Variants in HS6ST3 observed in about 807,000 individuals in gnomAD.
The protein encoded by HS6ST3 is heparan sulfate 6-O-sulfotransferase 3.
In HS6ST3, 12 loss-of-function variants were observed where a neutral mutation model predicts 36.7. The ratio of observed to expected loss-of-function variants is 0.33; its 90% CI spans 0.21 to 0.53. The LOEUF is 0.53. Among genes scored for constraint, HS6ST3 ranks in the 20% least tolerant of loss-of-function variants. HS6ST3 has a pLI of 0.95. For missense variants in HS6ST3, 584 were observed against 640.9 expected (o/e 0.91, Z 0.96); for synonymous variants, 240 against 257.5 (o/e 0.93, Z 0.65).
chr13:96,640,846 G>A (rs893275094), intron 1 of HS6ST3, among the ~76,000 whole-genome samples: 3 of 151,774 alleles, frequency 2.0e-5, no homozygotes, highest in African/African-American at 7.2e-5. Context: ...CTTTGTTGAA[G>A]ATTTAGATGG....
At chr13:96,549,329 A>G (rs150627837) in intron 1 of HS6ST3, among the ~76,000 whole-genome samples, 1 of 152,204 alleles carries the variant, frequency 6.6e-6, no homozygotes, top group African/African-American at 2.4e-5. Context: ...GCGTTCATCT[A>G]TTTGTGTTTT....
chr13:96,227,657 C>T lies in HS6ST3; in HGVS notation c.707+136088C>T, dbSNP rs556138715. On this transcript the variant is annotated intron_variant, in intron 1 of 1. Transcript: ENST00000376705. ...AAATGATTAATTAGACAAGAAGCCT[C>T]ATTGTTTCCAATCTATGAGTCATAT... 3.3e-5 allele frequency among the ~76,000 whole-genome samples: 5 copies of T among 152,310 alleles called. No individual in the cohort carries two copies. In the South Asian group the frequency reaches 8.3e-4, roughly 25 times the overall value.
At chr13:96,735,109 TG>T (rs1176833848) in intron 1 of HS6ST3, among the ~76,000 whole-genome samples, 1 of 152,148 alleles carries the variant, frequency 6.6e-6, no homozygotes, top group Non-Finnish European at 1.5e-5. Flanking sequence ...GGCTTTCAGC[TG>T]AACAATGCAG....
chr13:96,676,190 G>C (rs2138434491), intron 1 of HS6ST3, among the ~76,000 whole-genome samples: 1 of 152,280 alleles, frequency 6.6e-6, no homozygotes, highest in East Asian at 1.9e-4. Context: ...TGAGATTAAT[G>C]TGTCAACAGG....
intron 1 of HS6ST3, among the ~76,000 whole-genome samples, chr13:96,145,016 A>G (rs563233886): frequency 1.3e-5 from 2 of 150,854 alleles, no homozygotes; most frequent in South Asian, 2.1e-4. Context: ...TGTGGTGTAT[A>G]TGTGCCACAT....
intron 1 of HS6ST3, among the ~76,000 whole-genome samples, chr13:96,254,923 T>C (rs2054629602): frequency 6.6e-6 from 1 of 152,200 alleles, no homozygotes; most frequent in Non-Finnish European, 1.5e-5. Flanking sequence ...GCTTTCTCCA[T>C]AGCAGTGAAT....
At chr13:96,109,566 A>C (rs933179290) in intron 1 of HS6ST3, among the ~76,000 whole-genome samples, 1 of 152,234 alleles carries the variant, frequency 6.6e-6, no homozygotes, top group African/African-American at 2.4e-5. Flanking sequence ...TTAGAAAGCT[A>C]CTTACATTTA....
chr13:96,118,665 TATATATATATATATATATATA>T (rs1566886442), intron 1 of HS6ST3, among the ~76,000 whole-genome samples: 1 of 6,478 alleles, frequency 1.5e-4, no homozygotes, highest in Non-Finnish European at 3.6e-4. Context: ...TATATATATA[TATATATATATATATATATATA>T]TATTTTTTTT....
At chr13:96,301,482 G>A (rs566076380) in intron 1 of HS6ST3, among the ~76,000 whole-genome samples, 1 of 152,168 alleles carries the variant, frequency 6.6e-6, no homozygotes, top group East Asian at 1.9e-4. Flanking sequence ...AAAGACTGGG[G>A]TACTGGTCCT....
intron 1 of HS6ST3, among the ~76,000 whole-genome samples, chr13:96,131,606 T>C (rs1210131672): frequency 6.6e-6 from 1 of 152,166 alleles, no homozygotes; most frequent in African/African-American, 2.4e-5. Flanking sequence ...ATATAATACA[T>C]TGTTATTAAC....
chr13:96,663,640 C>A (rs1012656087), intron 1 of HS6ST3, among the ~76,000 whole-genome samples: 2 of 152,140 alleles, frequency 1.3e-5, no homozygotes, highest in East Asian at 3.8e-4. Flanking sequence ...GCCCTGTTCC[C>A]ACTTCTAGGA....
chr13:96,663,906 T>G (rs1310995816), intron 1 of HS6ST3, among the ~76,000 whole-genome samples: 2 of 152,172 alleles, frequency 1.3e-5, no homozygotes, highest in African/African-American at 4.8e-5. Context: ...TATGATTCCA[T>G]TTATATAAGA....
intron 1 of HS6ST3, among the ~76,000 whole-genome samples, chr13:96,658,400 C>G (rs1486417940): frequency 1.3e-5 from 2 of 150,148 alleles, no homozygotes; most frequent in African/African-American, 4.9e-5. Context: ...TCTGCCTCAG[C>G]CTCCCGAGTA....
intron 1 of HS6ST3, among the ~76,000 whole-genome samples, chr13:96,154,459 A>G (rs2054101211): frequency 6.6e-6 from 1 of 152,174 alleles, no homozygotes; most frequent in Non-Finnish European, 1.5e-5. Flanking sequence ...TTTCTACAAT[A>G]TTTTAATTTT....
chr13:96,832,736 C>G lies in HS6ST3; in HGVS notation c.954C>G (p.Ser318Arg), dbSNP rs1464319337. The G allele has an allele frequency of 1.9e-6, 3 of 1,614,134 alleles. No individual in the cohort carries two copies. The South Asian group carries it at 3.3e-5, about 18-fold the overall frequency. Residue 318 changes from serine to arginine, a missense_variant, in exon 2 of 2, where the codon AGC becomes AGG. Ser to Arg is a moderately radical substitution (Grantham distance 110, BLOSUM62 -1). Coordinates refer to ENST00000376705, the MANE Select transcript of HS6ST3 (RefSeq NM_153456.4). ...AGGTGCGCATGCTGGCTGACCTCAG[C>G]CTGGTGGGCTGCTATAACTTGACTT... ...NRQVRMLADL[S>R]LVGCYNLTFM... is the part of the protein sequence containing the mutation.
intron 1 of HS6ST3, among the ~76,000 whole-genome samples, chr13:96,218,218 A>G (rs990323398): frequency 1.6e-4 from 25 of 152,174 alleles, no homozygotes; most frequent in African/African-American, 5.8e-4. Flanking sequence ...GAAACCAGAC[A>G]AGAGGACCAG....
chr13:96,274,839 TCACACACACACACACACACA>T lies in HS6ST3; in HGVS notation c.707+183306_707+183325del, dbSNP rs60430769. ...ATCAGTGATTAGCTAACTTAGTCCT[TCACACACACACACACACACA>T]CACACACACACACACACACACACAC... On this transcript the variant is annotated intron_variant, in intron 1 of 1. Coordinates refer to ENST00000376705, the MANE Select transcript of HS6ST3 (RefSeq NM_153456.4). Among the ~76,000 whole-genome samples the T allele has an allele frequency of 1.5e-3, 186 of 126,184 alleles. 1 individual carries two copies. Among genetic ancestry groups the T allele is most frequent in the African/African-American group, 3.8e-3 (125 of 32,872 alleles). The allele number at this position is 126,184 out of a possible 152,430, so 82.8% of individuals were successfully genotyped here.
chr13:96,121,258 T>C (rs929883297), intron 1 of HS6ST3, among the ~76,000 whole-genome samples: 2 of 152,222 alleles, frequency 1.3e-5, no homozygotes, highest in African/African-American at 2.4e-5. Context: ...ATATATTTAA[T>C]TTAGCTGAAT....
intron 1 of HS6ST3, among the ~76,000 whole-genome samples, chr13:96,722,095 G>A (rs1351009240): frequency 6.6e-6 from 1 of 151,950 alleles, no homozygotes; most frequent in Non-Finnish European, 1.5e-5. Flanking sequence ...GTGAAACCTC[G>A]TCTCTACTAA....
Sources: allele counts gnomAD v4.1 joint callset (sites outside exome capture counted in the v4.1 genomes callset), GRCh38; gene constraint gnomAD v4.1.1; transcripts MANE v1.5; gene names NCBI Gene and HGNC (gene_info 2026-07-23, HGNC 2026-07-21).